COL23A1: variants seen among roughly 807,000 people sequenced by gnomAD.
The protein encoded by COL23A1 is collagen type XXIII alpha 1 chain.
Under a neutral mutation model 99.3 loss-of-function variants are expected in COL23A1, and 97 were observed. The ratio of observed to expected loss-of-function variants is 0.98; its 90% CI spans 0.83 to 1.16. The LOEUF (loss-of-function observed/expected upper bound fraction) is 1.16. Among genes scored for constraint, COL23A1 ranks in the 50% most tolerant of loss-of-function variants. The probability of loss-of-function intolerance (pLI) is 0.00; values close to 1 mark genes in which losing one functional copy is unlikely to be tolerated. For synonymous variants in COL23A1, 320 were observed against 308.2 expected (o/e 1.04, Z -0.40); for missense variants, 762 against 757.4 (o/e 1.01, Z -0.07).
intron 1 of COL23A1, among the ~76,000 whole-genome samples, chr5:178,584,357 C>G (rs1763816861): frequency 6.6e-6 from 1 of 150,560 alleles, no homozygotes; most frequent in African/African-American, 2.4e-5. Context: ...GAAATAAATA[C>G]ATATAAATTT....
intron 2 of COL23A1, among the ~76,000 whole-genome samples, chr5:178,511,548 C>G (rs546435767): frequency 6.6e-6 from 1 of 152,232 alleles, no homozygotes; most frequent in Non-Finnish European, 1.5e-5. Flanking sequence ...TTCCACAGCA[C>G]TTTGCTCATA....
intron 2 of COL23A1, among the ~76,000 whole-genome samples, chr5:178,358,318 GTGTA>G (rs1761911287): frequency 6.7e-6 from 1 of 149,512 alleles, no homozygotes; most frequent in Non-Finnish European, 1.5e-5. Flanking sequence ...GTGTGTGTAT[GTGTA>G]TGTGTATGTA....
At chr5:178,246,093 G>T in intron 24 of COL23A1, 125 bp from the exon 25 acceptor site, 6 of 1,327,448 alleles carry the variant, frequency 4.5e-6, no homozygotes, top group Non-Finnish European at 6.5e-6. Context: ...AACCACGCAG[G>T]CATAGATGGA....
chr5:178,252,763 AG>A (rs1765103705), intron 16 of COL23A1, among the ~76,000 whole-genome samples, 166 bp from the exon 17 acceptor site: 2 of 152,214 alleles, frequency 1.3e-5, no homozygotes, highest in Admixed American at 1.3e-4. Flanking sequence ...ACACTGTGCA[AG>A]GCTTTATCTG....
intron 8 of COL23A1, among the ~76,000 whole-genome samples, 183 bp from the exon 9 acceptor site, chr5:178,263,507 C>T (rs937601123): frequency 2.6e-5 from 4 of 152,200 alleles, no homozygotes; most frequent in Non-Finnish European, 4.4e-5. Flanking sequence ...AACAGGTCCC[C>T]ATACCTTGGT....
chr5:178,568,391 C>T (rs946051130), intron 1 of COL23A1, among the ~76,000 whole-genome samples: 1 of 151,908 alleles, frequency 6.6e-6, no homozygotes, highest in Non-Finnish European at 1.5e-5. Flanking sequence ...TCACTTACCA[C>T]CAAATAAGAT....
intron 2 of COL23A1, among the ~76,000 whole-genome samples, chr5:178,358,737 GTATC>G (rs1269346556): frequency 7.3e-4 from 82 of 112,042 alleles, no homozygotes; most frequent in African/African-American, 2.4e-3. Flanking sequence ...GTGTGTATGT[GTATC>G]TGTGTGTGTA....
intron 3 of COL23A1, among the ~76,000 whole-genome samples, chr5:178,305,816 C>T (rs767431273): frequency 1.2e-4 from 18 of 151,776 alleles, no homozygotes; most frequent in Non-Finnish European, 2.1e-4. Context: ...GACATGGGTC[C>T]GAGACATGGA....
chr5:178,269,478 C>A (rs531140701), intron 6 of COL23A1, among the ~76,000 whole-genome samples: 2,011 of 70,586 alleles, frequency 0.028, 35 homozygotes, highest in Non-Finnish European at 0.039. Flanking sequence ...CATCCACCCA[C>A]CCATCCACCC....
At chr5:178,292,823 G>C (rs546091222) in intron 3 of COL23A1, among the ~76,000 whole-genome samples, 2 of 152,320 alleles carry the variant, frequency 1.3e-5, no homozygotes, top group Admixed American at 1.3e-4. Context: ...TTGGCTGAAG[G>C]GGTCAGAAGC....
intron 2 of COL23A1, among the ~76,000 whole-genome samples, chr5:178,356,124 G>A (rs1761634892): frequency 6.6e-6 from 1 of 152,214 alleles, no homozygotes; most frequent in Non-Finnish European, 1.5e-5. Context: ...AAGACCCCAG[G>A]CTTAGGGCCC....
At chr5:178,505,759 G>A (rs1041526877) in intron 2 of COL23A1, among the ~76,000 whole-genome samples, 3 of 152,150 alleles carry the variant, frequency 2.0e-5, no homozygotes, top group Admixed American at 1.3e-4. Flanking sequence ...AGCAGTGATG[G>A]AGGCCCAGGA....
chr5:178,344,969 G>T, intron 2 of COL23A1: 1 of 605,064 alleles, frequency 1.7e-6, no homozygotes, highest in Non-Finnish European at 3.1e-6. Flanking sequence ...TGAGACAGAA[G>T]AGGTGAAAAA....
At chr5:178,396,932 T>C (rs1764181924) in intron 2 of COL23A1, among the ~76,000 whole-genome samples, 1 of 152,212 alleles carries the variant, frequency 6.6e-6, no homozygotes, top group African/African-American at 2.4e-5. Context: ...CATCTGGGGC[T>C]TCCCTGGTGT....
In COL23A1 at chr5:178,566,795, G is replaced by A. The variant is rs146085001; in HGVS notation, c.295-6047C>T. On this transcript the variant is annotated intron_variant, in intron 1 of 28. Coordinates refer to ENST00000390654, the MANE Select transcript of COL23A1 (RefSeq NM_173465.4). Reference sequence around the variant, plus strand: ...CGTGCCACTGCACTCCAGCCTGGGCGACAGAGTGAGACTCTGTCTCAAAAA... The same window carrying A: ...CGTGCCACTGCACTCCAGCCTGGGCAACAGAGTGAGACTCTGTCTCAAAAA... Among the ~76,000 whole-genome samples, 62 of 151,678 alleles carry A rather than the reference G, an allele frequency of 4.1e-4. 1 individual carries two copies. In the East Asian group the frequency reaches 0.011, roughly 27 times the overall value.
rs2127603891 is a variant in COL23A1, at chr5:178,306,515, A to G, written c.406+360T>C. ...TGGGGAGGGATGAAACCCACAGGAG[A>G]ACCCGGTTGTGCTGAAGGACCCATG... is the stretch of plus-strand genomic sequence containing the variant. On this transcript the variant is annotated intron_variant, in intron 3 of 28. Transcript: ENST00000390654. This position sits in a 1 kb window ranked among gnomAD's most constrained non-coding sequence, Gnocchi z 4.1. Among the ~76,000 whole-genome samples, 1 of 151,050 alleles carries G rather than the reference A, an allele frequency of 6.6e-6. No individual in the cohort carries two copies. The highest frequency in any genetic ancestry group is 2.4e-5 in the African/African-American group (1 of 41,036).
At chr5:178,461,222 AGTGT>A (rs1756104183) in intron 2 of COL23A1, among the ~76,000 whole-genome samples, 1 of 152,146 alleles carries the variant, frequency 6.6e-6, no homozygotes, top group Admixed American at 6.5e-5. Flanking sequence ...CAGGAGCATC[AGTGT>A]GTGCCCAGGC....
intron 4 of COL23A1, 149 bp from the exon 5 acceptor site, chr5:178,288,499 G>A (rs754473523): frequency 4.0e-6 from 3 of 748,844 alleles, no homozygotes; most frequent in Non-Finnish European, 7.4e-6. Context: ...AGGGCTCCAG[G>A]GGTCTTGGGG....
intron 16 of COL23A1, among the ~76,000 whole-genome samples, chr5:178,252,800 G>A (rs1765105462): frequency 6.6e-6 from 1 of 152,218 alleles, no homozygotes; most frequent in Non-Finnish European, 1.5e-5. Flanking sequence ...GGGAGGCCAG[G>A]AGGTGACACC....
Sources: gnomAD v4.1 joint callset for allele counts (sites outside exome capture counted in the v4.1 genomes callset) on GRCh38, gnomAD v4.1.1 for gene constraint, Gnocchi (gnomAD v3.1) non-coding constraint, MANE v1.5 for transcripts, NCBI Gene and HGNC (gene_info 2026-07-23, HGNC 2026-07-21) for gene names.